LNX1: variants seen among roughly 807,000 people sequenced by gnomAD.
LNX1 encodes the protein E3 ubiquitin-protein ligase LNX.
Under a neutral mutation model 68.4 loss-of-function variants are expected in LNX1, and 54 were observed. The observed-to-expected ratio is 0.79, with a 90% CI of 0.63 to 0.99. LNX1 has a LOEUF of 0.99. Ranked by LOEUF, LNX1 falls within the 50% of genes least tolerant of loss-of-function variation. LNX1 has a pLI of 0.00. For missense variants in LNX1, 906 were observed against 926.4 expected (o/e 0.98, Z 0.29); for synonymous variants, 336 against 350.0 (o/e 0.96, Z 0.45).
upstream of LNX1, among the ~76,000 whole-genome samples, chr4:53,620,565 G>T (rs1191078538): frequency 6.6e-6 from 1 of 152,308 alleles, no homozygotes; most frequent in South Asian, 2.1e-4. Context: ...CATGACTGAA[G>T]ACTGTGGACC....
At chr4:53,478,880 TAC>T in intron 7 of LNX1, 138 bp from the exon 8 acceptor site, 1 of 786,416 alleles carries the variant, frequency 1.3e-6, no homozygotes, top group Non-Finnish European at 2.0e-6. Flanking sequence ...AGTGCATAAA[TAC>T]AATGGTGGTT....
chr4:53,469,006 G>A (rs1579356049), intron 9 of LNX1, among the ~76,000 whole-genome samples: 1 of 152,132 alleles, frequency 6.6e-6, no homozygotes, highest in Non-Finnish European at 1.5e-5. Flanking sequence ...GACATCTACG[G>A]AACTCTCCAC....
chr4:53,526,476 A>G (rs367838246), intron 2 of LNX1, among the ~76,000 whole-genome samples: 6 of 152,248 alleles, frequency 3.9e-5, no homozygotes, highest in South Asian at 2.1e-4. Flanking sequence ...TTAAAGCCCA[A>G]TGAAAACCCT....
rs561602160 is a variant in LNX1 at position 53,553,143 on chromosome 4, A to C, written c.380+20480T>G. On this transcript the variant is annotated intron_variant, in intron 2 of 10. Coordinates refer to ENST00000263925, the MANE Select transcript of LNX1 (RefSeq NM_001126328.3). ...GCCATATGAACATTACTACAACCCG[A>C]GATCTCAGAACTCACAGGGTAGAAG... 3.3e-5 allele frequency among the ~76,000 whole-genome samples: 5 copies of C among 152,330 alleles called. No homozygotes were observed. The South Asian group carries it at 1.0e-3, about 32-fold the overall frequency.
intron 1 of LNX1, among the ~76,000 whole-genome samples, chr4:53,649,344 C>A (rs1013928): frequency 0.41 from 62,273 of 151,648 alleles, 13,327 homozygotes; most frequent in East Asian, 0.58. Context: ...TCCCACAAGG[C>A]GACTACTATT....
At chr4:53,503,820 T>A (rs576779218) in intron 4 of LNX1, among the ~76,000 whole-genome samples, 3 of 152,274 alleles carry the variant, frequency 2.0e-5, no homozygotes, top group South Asian at 4.1e-4. Flanking sequence ...TCTCCCAATA[T>A]AAGGCTGTAT....
chr4:53,566,684 A>G (rs1253668608), intron 2 of LNX1, among the ~76,000 whole-genome samples: 1 of 152,114 alleles, frequency 6.6e-6, no homozygotes, highest in Non-Finnish European at 1.5e-5. Context: ...AAATGCTCCA[A>G]CTAAAAGACA....
intron 9 of LNX1, among the ~76,000 whole-genome samples, chr4:53,467,505 AG>A (rs1722777331): frequency 6.6e-6 from 1 of 152,218 alleles, no homozygotes; most frequent in African/African-American, 2.4e-5. Flanking sequence ...GACTTCAACA[AG>A]TTGAGAGAGG....
chr4:53,509,184 C>T (rs1312316435), intron 2 of LNX1, among the ~76,000 whole-genome samples: 1 of 152,170 alleles, frequency 6.6e-6, no homozygotes, highest in Non-Finnish European at 1.5e-5. Flanking sequence ...GGGAGGGTAG[C>T]TACAGGTAAC....
At chr4:53,640,841 G>T (rs1734651471) in intron 1 of LNX1, among the ~76,000 whole-genome samples, 1 of 152,228 alleles carries the variant, frequency 6.6e-6, no homozygotes, top group Non-Finnish European at 1.5e-5. Context: ...CTCACAAGAG[G>T]TTTTGAAAAT....
intron 1 of LNX1, among the ~76,000 whole-genome samples, chr4:53,638,387 C>G (rs949670863): frequency 5.3e-5 from 8 of 152,052 alleles, no homozygotes; most frequent in African/African-American, 1.9e-4. Context: ...GTGAATTTGC[C>G]TCCTTGATAA....
In LNX1 at chr4:53,576,099, G is replaced by A. The variant is rs1731473996; in HGVS notation, c.-86-2011C>T. ...ACCTGGTCGGGGACTTGGCCAGCGT[G>A]GTATTTGGGAGCCAGCGGCCCCTCC... On this transcript the variant is annotated intron_variant, in intron 1 of 10. Coordinates refer to ENST00000263925, the MANE Select transcript of LNX1 (RefSeq NM_001126328.3). The A allele has an allele frequency of 2.6e-5, 41 of 1,552,586 alleles. 2 individuals carry two copies. In the South Asian group the frequency reaches 5.0e-4, roughly 19 times the overall value.
intron 2 of LNX1, among the ~76,000 whole-genome samples, chr4:53,518,009 G>C (rs1208388635): frequency 6.6e-6 from 1 of 152,094 alleles, no homozygotes; most frequent in Admixed American, 6.6e-5. Flanking sequence ...CCTCCAAACT[G>C]CTGGGAAAAT....
At chr4:53,631,838 C>G (rs575255062) in intron 1 of LNX1, among the ~76,000 whole-genome samples, 1 of 151,710 alleles carries the variant, frequency 6.6e-6, no homozygotes, top group Non-Finnish European at 1.5e-5. Flanking sequence ...AATTCAGAGT[C>G]TCTTTGGAGG....
At chr4:53,626,590 G>A (rs1164234762) in intron 1 of LNX1, among the ~76,000 whole-genome samples, 3 of 152,146 alleles carry the variant, frequency 2.0e-5, no homozygotes. Flanking sequence ...GCTTAGCAGG[G>A]CATCAGAAGC....
intron 9 of LNX1, among the ~76,000 whole-genome samples, chr4:53,475,665 A>G (rs768939340): frequency 3.3e-5 from 5 of 152,232 alleles, no homozygotes; most frequent in African/African-American, 4.8e-5. Flanking sequence ...GAACAGCAAG[A>G]TAATCATCTG....
intron 1 of LNX1, among the ~76,000 whole-genome samples, chr4:53,636,408 G>A (rs1218459211): frequency 1.3e-5 from 2 of 152,006 alleles, no homozygotes; most frequent in African/African-American, 2.4e-5. Context: ...GCTGGCAGAG[G>A]AACTGTGAGG....
chr4:53,543,316 T>C (rs1728884887), intron 2 of LNX1, among the ~76,000 whole-genome samples: 1 of 152,246 alleles, frequency 6.6e-6, no homozygotes, highest in Admixed American at 6.5e-5. Context: ...TTCCATCTGA[T>C]GTACTACATG....
intron 2 of LNX1, chr4:53,522,929 T>C (rs1418320872): frequency 6.6e-6 from 1 of 152,230 alleles, no homozygotes; most frequent in Non-Finnish European, 1.5e-5. Flanking sequence ...TACTTCTGTA[T>C]GTTTATGATT....
Sources: gnomAD v4.1 joint callset for allele counts (sites outside exome capture counted in the v4.1 genomes callset) on GRCh38, gnomAD v4.1.1 for gene constraint, MANE v1.5 for transcripts, NCBI Gene and HGNC (gene_info 2026-07-23, HGNC 2026-07-21) for gene names.